NRXN3: variants seen among roughly 807,000 people sequenced by gnomAD.
NRXN3 encodes neurexin 3.
In NRXN3, 32 loss-of-function variants were observed where a neutral mutation model predicts 137.6. The ratio of observed to expected loss-of-function variants is 0.23; its 90% confidence interval spans 0.18 to 0.31. The LOEUF (loss-of-function observed/expected upper bound fraction) is 0.31, where lower values mean the gene tolerates loss of function less well. NRXN3 is among the 10% of genes least tolerant of loss of function. The pLI is 1.00. For synonymous variants in NRXN3, 798 were observed against 784.5 expected, an observed-to-expected ratio of 1.02 and a Z score of -0.29; for missense variants, 1,574 against 2,062.5, an observed-to-expected ratio of 0.76 and a Z score of 4.59.
At chr14:78,226,440 C>T (rs180943102) in intron 1 of NRXN3, among the ~76,000 whole-genome samples, 110 of 152,238 alleles carry the variant, frequency 7.2e-4, no homozygotes, top group African/African-American at 2.6e-3. Context: ...TTTATCTAAC[C>T]TGGAATAACA....
At position 78,523,772 on chromosome 14, in the gene NRXN3, G is replaced by A. The variant is rs187181382; in HGVS notation, c.758-121348G>A. Reference sequence around the variant, plus strand: ...GCGGAGCTTGCAGTGAGCTGAGATCGCGTCACTGCACTCCAGCCTGGGTGA... The same window carrying A: ...GCGGAGCTTGCAGTGAGCTGAGATCACGTCACTGCACTCCAGCCTGGGTGA... On this transcript the variant is annotated intron_variant, in intron 4 of 20. Transcript: ENST00000335750. Among the ~76,000 whole-genome samples, 421 of 134,674 alleles carry A rather than the reference G, an allele frequency of 3.1e-3. 8 individuals are homozygous for A. The highest frequency in any genetic ancestry group is 0.012 in the African/African-American group (406 of 34,346). 88.4% of individuals were successfully genotyped at this position (134,674 alleles called of 152,430 possible).
At chr14:78,802,748 C>T (rs1391231302) in intron 8 of NRXN3, among the ~76,000 whole-genome samples, 2 of 152,080 alleles carry the variant, frequency 1.3e-5, no homozygotes, top group Non-Finnish European at 2.9e-5. Flanking sequence ...GAGTTCAAGA[C>T]CAGCCTGGGC....
chr14:78,449,176 C>T (rs2094493081), intron 4 of NRXN3, among the ~76,000 whole-genome samples: 1 of 152,176 alleles, frequency 6.6e-6, no homozygotes, highest in Non-Finnish European at 1.5e-5. Context: ...TCATCTCACT[C>T]CTATATGGTG....
At chr14:79,440,076 T>G (rs891625415) in intron 15 of NRXN3, among the ~76,000 whole-genome samples, 1 of 152,184 alleles carries the variant, frequency 6.6e-6, no homozygotes, top group Non-Finnish European at 1.5e-5. Context: ...AAACCTTTCA[T>G]AAAATATTTT....
intron 4 of NRXN3, among the ~76,000 whole-genome samples, chr14:78,580,668 TA>T (rs1238848868): frequency 1.3e-5 from 2 of 152,208 alleles, no homozygotes; most frequent in African/African-American, 4.8e-5. Context: ...AGGTGACTAT[TA>T]GAGGTGCTTG....
intron 4 of NRXN3, among the ~76,000 whole-genome samples, chr14:78,494,673 T>A (rs938760467): frequency 9.2e-5 from 14 of 152,158 alleles, no homozygotes; most frequent in African/African-American, 3.4e-4. Flanking sequence ...AAATATGTGA[T>A]TCCTGCCCTG....
chr14:78,491,643 A>G (rs2095670643), intron 4 of NRXN3, among the ~76,000 whole-genome samples: 1 of 152,202 alleles, frequency 6.6e-6, no homozygotes, highest in Admixed American at 6.5e-5. Context: ...CATGTATTTT[A>G]TAACTCTTTG....
At chr14:78,336,330 C>T (rs2081464689) in intron 4 of NRXN3, among the ~76,000 whole-genome samples, 1 of 152,112 alleles carries the variant, frequency 6.6e-6, no homozygotes, top group Admixed American at 6.5e-5. Context: ...GTCCTTGGTC[C>T]TGAGTTGACT....
At chr14:78,649,471 G>A (rs1413735901) in intron 5 of NRXN3, among the ~76,000 whole-genome samples, 1 of 147,742 alleles carries the variant, frequency 6.8e-6, no homozygotes, top group Non-Finnish European at 1.5e-5. Context: ...AAAAATGGAA[G>A]GGGATGCACT....
intron 16 of NRXN3, among the ~76,000 whole-genome samples, chr14:79,596,415 G>A (rs1323211868): frequency 6.6e-6 from 1 of 152,112 alleles, no homozygotes; most frequent in Non-Finnish European, 1.5e-5. Flanking sequence ...CAAGAAATAT[G>A]ATAATGCCTA....
At chr14:78,707,098 C>A (rs2098359671) in intron 6 of NRXN3, among the ~76,000 whole-genome samples, 1 of 152,138 alleles carries the variant, frequency 6.6e-6, no homozygotes, top group South Asian at 2.1e-4. Flanking sequence ...GACTTTTGTG[C>A]CCTTATGATA....
chr14:78,207,409 T>C (rs1387668725), intron 1 of NRXN3, among the ~76,000 whole-genome samples: 1 of 152,196 alleles, frequency 6.6e-6, no homozygotes, highest in African/African-American at 2.4e-5. Flanking sequence ...CCCCAGTTGA[T>C]ACCTCTAGCC....
rs75404285 is a variant in NRXN3 at position 79,539,782 on chromosome 14, C to A, written c.3444+72380C>A. Among the ~76,000 whole-genome samples the A allele has an allele frequency of 9.7e-3, 1,477 of 152,268 alleles. 61 individuals are homozygous for A. The East Asian group carries it at 0.12, about 13-fold the overall frequency. The stretch of plus-strand genomic sequence containing the variant: ...CTCTTTTAAAGCCACTTATAGGAGA[C>A]AATGCACATTCTGTGTTTTTTCTCT... On this transcript the variant is annotated intron_variant, in intron 16 of 20. Coordinates refer to ENST00000335750, the MANE Select transcript of NRXN3 (RefSeq NM_001330195.2).
rs146976185 is a variant in NRXN3, at chr14:78,220,377, A to G, written c.-703-22014A>G. 4.2e-3 allele frequency among the ~76,000 whole-genome samples: 639 copies of G among 152,174 alleles called. 5 individuals are homozygous for G. The highest frequency in any genetic ancestry group is 0.014 in the African/African-American group (590 of 41,508). ...AGGAGGGGAGGCACCCGAACATGCC[A>G]GGAAGGGGGCCCGAAAGCAGCAGAT... On this transcript the variant is annotated intron_variant, in intron 1 of 20. Coordinates refer to ENST00000335750, the MANE Select transcript of NRXN3 (RefSeq NM_001330195.2).
intron 4 of NRXN3, chr14:78,403,819 T>C: frequency 1.0e-6 from 1 of 985,350 alleles, no homozygotes; most frequent in Non-Finnish European, 1.2e-6. Context: ...GGTTGTGCTT[T>C]CTCAGGGATA....
intron 15 of NRXN3, among the ~76,000 whole-genome samples, chr14:79,387,015 G>A (rs1355037823): frequency 9.2e-5 from 14 of 152,008 alleles, no homozygotes; most frequent in Admixed American, 3.3e-4. Context: ...GAAAACCTAG[G>A]CAATACCATT....
At chr14:78,445,196 A>G (rs1385696371) in intron 4 of NRXN3, among the ~76,000 whole-genome samples, 1 of 152,178 alleles carries the variant, frequency 6.6e-6, no homozygotes, top group Non-Finnish European at 1.5e-5. Flanking sequence ...GAGGAGGCTG[A>G]GGAGCCACAG....
chr14:78,368,805 G>A (rs2086383339), intron 4 of NRXN3, among the ~76,000 whole-genome samples: 1 of 152,160 alleles, frequency 6.6e-6, no homozygotes, highest in East Asian at 1.9e-4. Context: ...CTGTAAGAAT[G>A]GATTTATGAG....
chr14:78,382,362 T>A (rs1165545592), intron 4 of NRXN3, among the ~76,000 whole-genome samples: 6 of 152,178 alleles, frequency 3.9e-5, no homozygotes, highest in Admixed American at 3.3e-4. Context: ...TGGGACATGA[T>A]GAAAGTAGAT....
Sources: allele counts gnomAD v4.1 joint callset (sites outside exome capture counted in the v4.1 genomes callset), GRCh38; gene constraint gnomAD v4.1.1; transcripts MANE v1.5; gene names NCBI Gene and HGNC (gene_info 2026-07-23, HGNC 2026-07-21).